SCN11A: variants seen among roughly 807,000 people sequenced by gnomAD.
SCN11A encodes sodium voltage-gated channel alpha subunit 11.
A neutral mutation model predicts 162.2 loss-of-function variants in SCN11A; 122 were observed. The observed-to-expected ratio is 0.75, with a 90% confidence interval of 0.65 to 0.87. The LOEUF (loss-of-function observed/expected upper bound fraction) is 0.87, where lower values mean the gene tolerates loss of function less well. SCN11A is among the 40% of genes least tolerant of loss of function. The pLI, the probability that SCN11A is intolerant of heterozygous loss-of-function variation, is 0.00. For missense variants in SCN11A, 2,015 were observed against 2,181.6 expected (o/e 0.92, Z 1.52); for synonymous variants, 758 against 751.5 (o/e 1.01, Z -0.14).
chr3:38,893,479 G>A (rs2065534640), intron 19 of SCN11A, among the ~76,000 whole-genome samples: 1 of 152,082 alleles, frequency 6.6e-6, no homozygotes, highest in Non-Finnish European at 1.5e-5. Flanking sequence ...AAGATCAACA[G>A]GGAAATGGAA....
chr3:39,016,128 G>A (rs1187168086), intron 2 of SCN11A, among the ~76,000 whole-genome samples: 1 of 152,198 alleles, frequency 6.6e-6, no homozygotes, highest in Non-Finnish European at 1.5e-5. Flanking sequence ...GTGGGTTAAA[G>A]TGAAGTCTAG....
At chr3:38,946,650 C>T (rs1472601964) in intron 6 of SCN11A, 139 bp downstream of exon 6, 15 of 671,096 alleles carry the variant, frequency 2.2e-5, no homozygotes, top group Non-Finnish European at 4.0e-5. Flanking sequence ...CAGCACAGTC[C>T]CTGCCTGCAG....
At chr3:38,873,439 AT>A in intron 23 of SCN11A, among the ~76,000 whole-genome samples, 1 of 152,316 alleles carries the variant, frequency 6.6e-6, no homozygotes, top group South Asian at 2.1e-4. Flanking sequence ...AGATTTTGAA[AT>A]TTATAATCAA....
At chr3:38,869,216 C>T (rs1252734561) in intron 26 of SCN11A, among the ~76,000 whole-genome samples, 3 of 152,124 alleles carry the variant, frequency 2.0e-5, no homozygotes, top group Non-Finnish European at 4.4e-5. Context: ...GGAGCATTTG[C>T]AAGCCACACA....
intron 23 of SCN11A, among the ~76,000 whole-genome samples, chr3:38,875,016 A>T (rs187656614): frequency 2.0e-5 from 3 of 152,304 alleles, no homozygotes; most frequent in Admixed American, 2.0e-4. Flanking sequence ...CTCTCATTTA[A>T]TCTGTACAAC....
At position 38,846,743 on chromosome 3, in the gene SCN11A, C is replaced by G; in HGVS notation, c.5327G>C (p.Gly1776Ala). 6.2e-7 allele frequency: 1 copy of G among 1,614,122 alleles called. No homozygotes were observed. Among genetic ancestry groups the G allele is most frequent in the Non-Finnish European group, 8.5e-7 (1 of 1,180,004 alleles). ...PHSPLQTLCN[G>A]DLSSFGVAKG... ...GGCCACCCCAAAGCTAGACAAGTCT[C>G]CATTGCAAAGAGTCTGGAGTGGTGA... The change falls in exon 30 of 30, where the codon GGA (glycine) becomes GCA (alanine). Residue 1776 changes from glycine (G) to alanine (A), a missense_variant. Coordinates refer to ENST00000302328, the MANE Select transcript of SCN11A (RefSeq NM_001349253.2).
chr3:38,867,872 A>C (rs907465547), intron 26 of SCN11A, among the ~76,000 whole-genome samples: 1 of 152,176 alleles, frequency 6.6e-6, no homozygotes, highest in African/African-American at 2.4e-5. Context: ...TAAACTACTA[A>C]GTGTTGTTGA....
At chr3:38,860,208 C>T (rs951448946) in intron 28 of SCN11A, among the ~76,000 whole-genome samples, 9 of 152,198 alleles carry the variant, frequency 5.9e-5, no homozygotes, top group African/African-American at 1.7e-4. Flanking sequence ...CCTGAATGCT[C>T]GGGGAGACTG....
At chr3:38,985,625 T>C (rs905502022) in intron 2 of SCN11A, among the ~76,000 whole-genome samples, 1 of 150,896 alleles carries the variant, frequency 6.6e-6, no homozygotes, top group African/African-American at 2.5e-5. Context: ...CTGATGTGGA[T>C]TGTGAGGGGA....
chr3:39,051,046 T>G (rs2032347310), intron 1 of SCN11A, among the ~76,000 whole-genome samples: 1 of 152,142 alleles, frequency 6.6e-6, no homozygotes, highest in Non-Finnish European at 1.5e-5. Flanking sequence ...AGAGATGATT[T>G]AAACTAGAAT....
chr3:38,907,243 T>C (rs900118482), intron 14 of SCN11A, among the ~76,000 whole-genome samples: 16 of 151,294 alleles, frequency 1.1e-4, no homozygotes, highest in African/African-American at 3.4e-4. Flanking sequence ...AGGGAAATTA[T>C]TGTCTTCTGT....
intron 3 of SCN11A, among the ~76,000 whole-genome samples, chr3:38,957,992 G>A (rs1161724455): frequency 6.6e-6 from 1 of 152,222 alleles, no homozygotes; most frequent in African/African-American, 2.4e-5. Context: ...ATTTAGCTGG[G>A]AGGAGGGAGG....
intron 26 of SCN11A, 111 bp downstream of exon 26, chr3:38,870,580 G>A: frequency 1.2e-6 from 1 of 839,608 alleles, no homozygotes; most frequent in Non-Finnish European, 1.9e-6. Context: ...AGAAAACAAG[G>A]CAGAGAACCC....
chr3:38,962,083 G>A lies in SCN11A; in HGVS notation c.-279-1660C>T, dbSNP rs552587440. ...AGGATCAAGTTTCACTCTTCTATAT[G>A]TGGCTTGCCAATTATCCCAGCACCA... On this transcript the variant is annotated intron_variant, in intron 2 of 29. Coordinates refer to ENST00000302328, the MANE Select transcript of SCN11A (RefSeq NM_001349253.2). Among the ~76,000 whole-genome samples, 3 of 152,312 alleles carry A rather than the reference G, an allele frequency of 2.0e-5. No homozygotes were observed. The South Asian group carries it at 6.2e-4, about 32-fold the overall frequency.
intron 10 of SCN11A, among the ~76,000 whole-genome samples, 167 bp downstream of exon 10, chr3:38,920,909 G>A (rs896699613): frequency 3.9e-5 from 6 of 152,134 alleles, no homozygotes; most frequent in East Asian, 1.9e-4. Context: ...CAAAGAATGA[G>A]GCAATTCTCT....
At chr3:38,852,212 C>A (rs1480986327) in intron 28 of SCN11A, among the ~76,000 whole-genome samples, 1 of 152,072 alleles carries the variant, frequency 6.6e-6, no homozygotes, top group Admixed American at 6.6e-5. Flanking sequence ...CTGGAGGACA[C>A]TACATTTCAG....
In SCN11A at chr3:38,963,352, G is replaced by GAGATATATATAT. The variant is rs1196119271; in HGVS notation, c.-279-2930_-279-2929insATATATATATCT. ...ATAAAGAAACTATATCTATTTGATG[G>GAGATATATATAT]ATATATATATATATATATATATATA... On this transcript the variant is annotated intron_variant, in intron 2 of 29. Transcript: ENST00000302328. 9.4e-4 allele frequency among the ~76,000 whole-genome samples: 36 copies of GAGATATATATAT among 38,276 alleles called. 1 individual carries two copies. Among genetic ancestry groups the GAGATATATATAT allele is most frequent in the South Asian group, 2.7e-3 (2 of 754 alleles). The allele number at this position is 38,276 out of a possible 152,430, so 25.1% of individuals were successfully genotyped here.
intron 3 of SCN11A, among the ~76,000 whole-genome samples, chr3:38,958,105 T>C (rs1250445636): frequency 1.3e-5 from 2 of 152,236 alleles, no homozygotes; most frequent in Non-Finnish European, 2.9e-5. Flanking sequence ...AAAAGTCACA[T>C]AGCCTCACTG....
chr3:38,941,685 G>A (rs913689275), intron 7 of SCN11A, among the ~76,000 whole-genome samples: 4 of 151,834 alleles, frequency 2.6e-5, no homozygotes, highest in African/African-American at 9.7e-5. Context: ...ATGCAAATAG[G>A]TAAAGCTAAA....
Sources: gnomAD v4.1 joint callset for allele counts (sites outside exome capture counted in the v4.1 genomes callset) on GRCh38, gnomAD v4.1.1 for gene constraint, MANE v1.5 for transcripts, NCBI Gene and HGNC (gene_info 2026-07-23, HGNC 2026-07-21) for gene names.